Variants in SLC24A2 observed in about 807,000 individuals in gnomAD.
SLC24A2 encodes the protein solute carrier family 24 member 2.
In SLC24A2, 36 loss-of-function variants were observed where a neutral mutation model predicts 62.0. The ratio of observed to expected loss-of-function variants is 0.58; its 90% CI spans 0.44 to 0.77. The LOEUF is 0.77. SLC24A2 is among the 30% of genes least tolerant of loss of function. SLC24A2 has a pLI of 0.00. For missense variants in SLC24A2, 846 were observed against 817.9 expected (o/e 1.03, Z -0.42); for synonymous variants, 358 against 294.0 (o/e 1.22, Z -2.23).
At chr9:19,810,824 A>G in the SLC24A2 span, among the ~76,000 whole-genome samples, 2 of 152,364 alleles carry the variant, frequency 1.3e-5, no homozygotes, top group East Asian at 3.9e-4. Context: ...GTCCAAAGAA[A>G]GAAATGTACA....
chr9:19,553,552 T>C lies in SLC24A2; in HGVS notation c.1348-3284A>G, dbSNP rs139456831. Among the ~76,000 whole-genome samples the C allele has an allele frequency of 1.3e-3, 195 of 152,314 alleles. 1 individual carries two copies. The highest frequency in any genetic ancestry group is 4.3e-3 in the African/African-American group (178 of 41,570). The stretch of plus-strand genomic sequence containing the variant: ...ATGAAAAATCTGACACAAAAACATA[T>C]GACTTTAAGTTCCCACATGGTGGGT... On this transcript the variant is annotated intron_variant, in intron 7 of 10. Coordinates refer to ENST00000341998, the MANE Select transcript of SLC24A2 (RefSeq NM_020344.4).
chr9:19,577,901 G>T (rs922435140), intron 5 of SLC24A2, among the ~76,000 whole-genome samples: 1 of 150,338 alleles, frequency 6.7e-6, no homozygotes, highest in Non-Finnish European at 1.5e-5. Context: ...GGAATACTAT[G>T]CAGCCATAAA....
the SLC24A2 span, among the ~76,000 whole-genome samples, chr9:20,231,544 C>T: frequency 1.5e-3 from 233 of 152,056 alleles, no homozygotes; most frequent in African/African-American, 5.5e-3. Context: ...TTGTCTGTTA[C>T]TGGTATATAA....
chr9:20,077,131 G>A, the SLC24A2 span, among the ~76,000 whole-genome samples: 1 of 151,850 alleles, frequency 6.6e-6, no homozygotes, highest in Non-Finnish European at 1.5e-5. Flanking sequence ...GTAATCAGGG[G>A]CAGAGCGTGT....
chr9:20,283,071 C>T, the SLC24A2 span, among the ~76,000 whole-genome samples: 1 of 152,208 alleles, frequency 6.6e-6, no homozygotes, highest in African/African-American at 2.4e-5. Flanking sequence ...TCTTCCTATC[C>T]TTAGCAAGAG....
At chr9:20,074,604 A>C in the SLC24A2 span, among the ~76,000 whole-genome samples, 4 of 42,414 alleles carry the variant, frequency 9.4e-5, no homozygotes, top group Non-Finnish European at 1.8e-4. Context: ...GAAGGAAGGA[A>C]AGAAGGGAGT....
the SLC24A2 span, among the ~76,000 whole-genome samples, chr9:19,795,394 C>G: frequency 6.6e-6 from 1 of 151,990 alleles, no homozygotes; most frequent in Admixed American, 6.6e-5. Context: ...ACTTGCCTCT[C>G]TTTTTGCTCA....
At chr9:19,726,626 C>T (rs770525723) in intron 2 of SLC24A2, among the ~76,000 whole-genome samples, 10 of 152,102 alleles carry the variant, frequency 6.6e-5, no homozygotes, top group Non-Finnish European at 1.2e-4. Context: ...TTATCAAATT[C>T]CTGTTGGCTA....
the SLC24A2 span, among the ~76,000 whole-genome samples, chr9:20,144,563 A>T: frequency 6.6e-6 from 1 of 152,192 alleles, no homozygotes; most frequent in East Asian, 1.9e-4. Flanking sequence ...GCATAGCAAG[A>T]TCCACTGTTT....
chr9:20,170,217 T>G, the SLC24A2 span, among the ~76,000 whole-genome samples: 1 of 151,758 alleles, frequency 6.6e-6, no homozygotes, highest in Non-Finnish European at 1.5e-5. Context: ...ACCTAAATGT[T>G]TGATATAAAA....
At chr9:20,045,294 A>G in the SLC24A2 span, among the ~76,000 whole-genome samples, 1 of 152,214 alleles carries the variant, frequency 6.6e-6, no homozygotes, top group Non-Finnish European at 1.5e-5. Flanking sequence ...CAGATTTCTC[A>G]GAGAGCGTGT....
the SLC24A2 span, among the ~76,000 whole-genome samples, chr9:20,297,018 C>T: frequency 6.6e-6 from 1 of 151,872 alleles, no homozygotes; most frequent in South Asian, 2.1e-4. Flanking sequence ...TTTATTTTTT[C>T]CAGAATTATA....
the SLC24A2 span, among the ~76,000 whole-genome samples, chr9:20,190,448 C>G: frequency 1.3e-5 from 2 of 152,112 alleles, no homozygotes; most frequent in Admixed American, 1.3e-4. Flanking sequence ...CTAACCTATG[C>G]CAGAAGCTGG....
At chr9:19,720,560 T>C (rs546409214) in intron 2 of SLC24A2, among the ~76,000 whole-genome samples, 1 of 152,150 alleles carries the variant, frequency 6.6e-6, no homozygotes, top group Non-Finnish European at 1.5e-5. Flanking sequence ...TGTTAAACTG[T>C]GGAACTGCTA....
chr9:20,063,655 A>G, the SLC24A2 span, among the ~76,000 whole-genome samples: 1 of 152,148 alleles, frequency 6.6e-6, no homozygotes, highest in Non-Finnish European at 1.5e-5. Flanking sequence ...TAAAAAAATA[A>G]AAATAAAAGA....
chr9:20,232,572 G>A, the SLC24A2 span, among the ~76,000 whole-genome samples: 13 of 152,040 alleles, frequency 8.6e-5, no homozygotes, highest in Admixed American at 2.6e-4. Context: ...CTGTGGGATC[G>A]GTAGTGATAT....
At chr9:19,698,218 C>G (rs934598014) in intron 2 of SLC24A2, among the ~76,000 whole-genome samples, 1 of 152,114 alleles carries the variant, frequency 6.6e-6, no homozygotes, top group Non-Finnish European at 1.5e-5. Context: ...AATTCCACAC[C>G]TGACCTCATG....
the SLC24A2 span, among the ~76,000 whole-genome samples, chr9:20,287,443 T>G: frequency 6.6e-6 from 1 of 152,112 alleles, no homozygotes; most frequent in African/African-American, 2.4e-5. Context: ...TCAACTCCCC[T>G]GGGGTGAGGT....
the SLC24A2 span, among the ~76,000 whole-genome samples, chr9:19,988,439 T>A: frequency 3.3e-5 from 5 of 152,110 alleles, no homozygotes; most frequent in Admixed American, 6.5e-5. Context: ...TCAATATGGG[T>A]CAGAGGATGG....
Sources: gnomAD v4.1 joint callset for allele counts (sites outside exome capture counted in the v4.1 genomes callset) on GRCh38, gnomAD v4.1.1 for gene constraint, MANE v1.5 for transcripts, NCBI Gene and HGNC (gene_info 2026-07-23, HGNC 2026-07-21) for gene names.